Variants in PCP4L1 observed in about 807,000 individuals in gnomAD.
The protein encoded by PCP4L1 is Purkinje cell protein 4-like protein 1.
PCP4L1 carries 9 observed loss-of-function variants against 9.6 expected under a neutral mutation model. The ratio of observed to expected loss-of-function variants is 0.94; its 90% CI spans 0.57 to 1.64. The LOEUF is 1.64. PCP4L1 is among the 40% of genes most tolerant of loss of function. PCP4L1 has a pLI of 0.00. For missense variants in PCP4L1, 81 were observed against 80.8 expected, an observed-to-expected ratio of 1.00 and a Z score of -0.01; for synonymous variants, 31 against 28.2, an observed-to-expected ratio of 1.10 and a Z score of -0.31.
At chr1:161,278,091 T>C (rs1669732378) in intron 1 of PCP4L1, among the ~76,000 whole-genome samples, 1 of 152,150 alleles carries the variant, frequency 6.6e-6, no homozygotes, top group Non-Finnish European at 1.5e-5. Flanking sequence ...TTTTTCTTCC[T>C]TACTAAATCA....
chr1:161,271,492 C>G (rs1225881709), intron 1 of PCP4L1, among the ~76,000 whole-genome samples: 1 of 151,992 alleles, frequency 6.6e-6, no homozygotes, highest in Non-Finnish European at 1.5e-5. Flanking sequence ...CTAGTCTGTA[C>G]TTTGTTTCTT....
At position 161,285,396 on chromosome 1, in the gene PCP4L1, A is replaced by T. The variant is rs1388216838; in HGVS notation, c.*915A>T. On this transcript the variant is annotated 3_prime_UTR_variant, in exon 3 of 3. Transcript: ENST00000504449. ...AATAGCCACTCCATGTGATTTTAGCATGTTTAATCATTTTAACAATAAACC... is the reference window on the plus strand; with the variant it reads ...AATAGCCACTCCATGTGATTTTAGCTTGTTTAATCATTTTAACAATAAACC... The T allele has an allele frequency of 6.6e-6, 1 of 152,334 alleles. No individual in the cohort carries two copies. Among genetic ancestry groups the T allele is most frequent in the African/African-American group, 2.4e-5 (1 of 41,438 alleles). 9.4% of individuals were successfully genotyped at this position (152,334 alleles called of 1,614,324 possible). A position where few individuals can be genotyped will look rare whatever the true frequency, so the allele number is the denominator to read the frequency against.
chr1:161,282,590 G>A (rs760875379), intron 1 of PCP4L1, among the ~76,000 whole-genome samples: 2 of 152,036 alleles, frequency 1.3e-5, no homozygotes, highest in Non-Finnish European at 2.9e-5. Flanking sequence ...TATAGCCCAG[G>A]CCCTTCTCTT....
intron 1 of PCP4L1, among the ~76,000 whole-genome samples, chr1:161,261,135 G>A (rs1286054474): frequency 6.6e-6 from 1 of 152,120 alleles, no homozygotes; most frequent in Non-Finnish European, 1.5e-5. Flanking sequence ...GCCCCGCCCA[G>A]GAAAGCCCTG....
At chr1:161,279,915 C>T (rs1203516018) in intron 1 of PCP4L1, among the ~76,000 whole-genome samples, 1 of 152,118 alleles carries the variant, frequency 6.6e-6, no homozygotes, top group African/African-American at 2.4e-5. Flanking sequence ...GGGATCCTCC[C>T]AAGTAGCTGA....
At chr1:161,280,543 A>G (rs770660660) in intron 1 of PCP4L1, among the ~76,000 whole-genome samples, 14 of 151,990 alleles carry the variant, frequency 9.2e-5, no homozygotes, top group Non-Finnish European at 1.6e-4. Flanking sequence ...TGCTGCTGCA[A>G]TTCCTCTCTT....
At chr1:161,276,253 C>A (rs907788646) in intron 1 of PCP4L1, among the ~76,000 whole-genome samples, 1 of 152,102 alleles carries the variant, frequency 6.6e-6, no homozygotes, top group South Asian at 2.1e-4. Context: ...GAAAGAGTAA[C>A]AACTGGGTCA....
At chr1:161,284,113 G>C (rs970914791) in intron 2 of PCP4L1, among the ~76,000 whole-genome samples, 2 of 152,150 alleles carry the variant, frequency 1.3e-5, no homozygotes, top group African/African-American at 4.8e-5. Context: ...TTGTTGTTTG[G>C]TCCAAGAGTA....
chr1:161,281,775 T>G (rs200645441), intron 1 of PCP4L1, among the ~76,000 whole-genome samples: 1 of 22,534 alleles, frequency 4.4e-5, no homozygotes, highest in South Asian at 1.7e-3. Context: ...GAGGCGCTCC[T>G]CACATCCCGG....
intron 2 of PCP4L1, among the ~76,000 whole-genome samples, chr1:161,284,127 G>T (rs1428738468): frequency 1.3e-5 from 2 of 152,160 alleles, no homozygotes; most frequent in African/African-American, 4.8e-5. Context: ...AAGAGTAGCA[G>T]AGCTCCCCTA....
Position 161,284,530 on chromosome 1 carries a change from C to A in PCP4L1, c.*49C>A, listed in dbSNP as rs749632746. ...TCACCTTCATGCTGGTCCCTTCTCT[C>A]CCCTTCTCCACACCCATGTATCTTT... On this transcript the variant is annotated 3_prime_UTR_variant, in exon 3 of 3. Transcript: ENST00000504449. 2 of 1,587,750 alleles carry A rather than the reference C, an allele frequency of 1.3e-6. No homozygotes were observed. Among genetic ancestry groups the A allele is most frequent in the South Asian group, 2.3e-5 (2 of 87,830 alleles).
At chr1:161,271,542 C>T (rs543812136) in intron 1 of PCP4L1, among the ~76,000 whole-genome samples, 3 of 152,136 alleles carry the variant, frequency 2.0e-5, no homozygotes, top group East Asian at 3.9e-4. Flanking sequence ...CTTGCTCTGT[C>T]GCCCAGGCTG....
At chr1:161,277,477 A>G (rs770219637) in intron 1 of PCP4L1, among the ~76,000 whole-genome samples, 1 of 152,174 alleles carries the variant, frequency 6.6e-6, no homozygotes, top group African/African-American at 2.4e-5. Context: ...ATAGGGTGCC[A>G]TCTTCTTAGA....
At chr1:161,281,757 GCCGGGCAGAGGCGCTCCTC>G in intron 1 of PCP4L1, among the ~76,000 whole-genome samples, 1 of 121,010 alleles carries the variant, frequency 8.3e-6, no homozygotes, top group African/African-American at 3.4e-5. Context: ...CGGGGTCACG[GCCGGGCAGAGGCGCTCCTC>G]ACATCCCGGA....
chr1:161,269,876 G>A (rs1364481102), intron 1 of PCP4L1, among the ~76,000 whole-genome samples: 1 of 152,106 alleles, frequency 6.6e-6, no homozygotes, highest in Non-Finnish European at 1.5e-5. Flanking sequence ...GTGTGTGGCT[G>A]TGGTCCCAGC....
In PCP4L1 at chr1:161,258,877, C is replaced by G; in HGVS notation, c.-98C>G. On this transcript the variant is annotated 5_prime_UTR_variant, in exon 1 of 3. Coordinates refer to ENST00000504449, the MANE Select transcript of PCP4L1 (RefSeq NM_001102566.2). ...TCCTGGTCAGCTGTAACCCCTGCCG[C>G]AGAGCCCGGCAACTTTCAGCTGTCG... is the stretch of plus-strand genomic sequence containing the variant. 1 of 1,502,128 alleles carries G rather than the reference C, an allele frequency of 6.7e-7. No individual in the cohort carries two copies. Among genetic ancestry groups the G allele is most frequent in the Non-Finnish European group, 9.0e-7 (1 of 1,116,184 alleles). 93.0% of individuals were successfully genotyped at this position (1,502,128 alleles called of 1,614,324 possible). A position where few individuals can be genotyped will look rare whatever the true frequency, so the allele number is the denominator to read the frequency against.
At chr1:161,268,824 C>T (rs1243118700) in intron 1 of PCP4L1, among the ~76,000 whole-genome samples, 4 of 152,196 alleles carry the variant, frequency 2.6e-5, no homozygotes, top group Admixed American at 2.6e-4. Flanking sequence ...CCTGGGATTA[C>T]AGGCGTGAGC....
rs10641284 is a variant in PCP4L1, at chr1:161,267,708, G to GTTTTGTTTTTGT, written c.9+8730_9+8741dup. On this transcript the variant is annotated intron_variant, in intron 1 of 2. Coordinates refer to ENST00000504449, the MANE Select transcript of PCP4L1 (RefSeq NM_001102566.2). ...TAGGTGCTTGCTACCACAATACTAT[G>GTTTTGTTTTTGT]TTTTGTTTTTGTTTTTTTAGACAGA... Among the ~76,000 whole-genome samples the GTTTTGTTTTTGT allele has an allele frequency of 4.5e-3, 609 of 133,976 alleles. 2 individuals are homozygous for GTTTTGTTTTTGT. Among genetic ancestry groups the GTTTTGTTTTTGT allele is most frequent in the African/African-American group, 0.016 (585 of 36,276 alleles). The allele number at this position is 133,976 out of a possible 152,430, so 87.9% of individuals were successfully genotyped here. A position where few individuals can be genotyped will look rare whatever the true frequency, so the allele number is the denominator to read the frequency against.
At chr1:161,270,190 G>A (rs986187089) in intron 1 of PCP4L1, among the ~76,000 whole-genome samples, 3 of 149,270 alleles carry the variant, frequency 2.0e-5, no homozygotes, top group African/African-American at 7.4e-5. Flanking sequence ...CCGGCTACTC[G>A]GGAGGCTGAG....
Sources: allele counts gnomAD v4.1 joint callset (sites outside exome capture counted in the v4.1 genomes callset), GRCh38; gene constraint gnomAD v4.1.1; transcripts MANE v1.5; gene names NCBI Gene and HGNC (gene_info 2026-07-23, HGNC 2026-07-21).